CPNE8: variants seen among roughly 807,000 people sequenced by gnomAD.
CPNE8 encodes copine 8, also known as copine-8.
In CPNE8, 45 loss-of-function variants were observed where a neutral mutation model predicts 81.5. That is an observed-to-expected ratio of 0.55 (90% CI 0.44 to 0.71). CPNE8 has a LOEUF of 0.71. Among genes scored for constraint, CPNE8 ranks in the 30% least tolerant of loss-of-function variants. CPNE8 has a pLI of 0.00. For missense variants in CPNE8, 594 were observed against 672.1 expected (o/e 0.88, Z 1.28); for synonymous variants, 252 against 226.3 (o/e 1.11, Z -1.02).
intron 6 of CPNE8, among the ~76,000 whole-genome samples, chr12:38,816,746 G>A (rs1449413331): frequency 1.3e-5 from 2 of 152,174 alleles, no homozygotes; most frequent in African/African-American, 4.8e-5. Context: ...ATTTGTGAAT[G>A]TCCACTTACT....
At chr12:38,776,848 C>G (rs1941948980) in intron 6 of CPNE8, among the ~76,000 whole-genome samples, 2 of 152,218 alleles carry the variant, frequency 1.3e-5, no homozygotes, top group South Asian at 4.1e-4. Context: ...CAGAGCATTA[C>G]TCATGTGTTG....
intron 10 of CPNE8, among the ~76,000 whole-genome samples, chr12:38,751,435 T>C (rs1222073203): frequency 6.6e-6 from 1 of 152,228 alleles, no homozygotes; most frequent in Non-Finnish European, 1.5e-5. Context: ...TTTTACTATA[T>C]ATGTTGCAAT....
Position 38,706,155 on chromosome 12 carries a change from T to C in CPNE8, c.915-3234A>G, listed in dbSNP as rs1940100875. Among the ~76,000 whole-genome samples, 4 of 152,132 alleles carry C rather than the reference T, an allele frequency of 2.6e-5. No homozygotes were observed. The South Asian group carries it at 8.3e-4, about 31-fold the overall frequency. On this transcript the variant is annotated intron_variant, in intron 13 of 19. Coordinates refer to ENST00000331366, the MANE Select transcript of CPNE8 (RefSeq NM_153634.3). ...TTTCTCCAGTTAAATATTTGCAAAC[T>C]TTCTGGCTATAATAGGCACACAATA...
chr12:38,738,565 A>G (rs993676187), intron 10 of CPNE8, among the ~76,000 whole-genome samples: 1 of 152,162 alleles, frequency 6.6e-6, no homozygotes, highest in African/African-American at 2.4e-5. Flanking sequence ...AGACCATCCT[A>G]CCACTTTAGT....
At chr12:38,905,881 A>T (rs887080992), upstream of CPNE8, 9 of 985,196 alleles carry the variant, frequency 9.1e-6, no homozygotes, top group Admixed American at 2.5e-4. Flanking sequence ...AAGCAGCCTG[A>T]TGGAGAAGGT....
chr12:38,903,643 G>A (rs1011355273), intron 1 of CPNE8, among the ~76,000 whole-genome samples: 10 of 152,200 alleles, frequency 6.6e-5, no homozygotes, highest in African/African-American at 1.7e-4. Context: ...ATGCCATTCA[G>A]ACTTTGCAGA....
chr12:38,764,975 G>T (rs1256818777), intron 8 of CPNE8, among the ~76,000 whole-genome samples: 1 of 152,134 alleles, frequency 6.6e-6, no homozygotes, highest in Non-Finnish European at 1.5e-5. Flanking sequence ...TGGCCTCTTT[G>T]CTTATGGTTA....
chr12:38,663,202 C>A (rs539417082), intron 19 of CPNE8, among the ~76,000 whole-genome samples: 35 of 152,062 alleles, frequency 2.3e-4, no homozygotes, highest in African/African-American at 8.2e-4. Flanking sequence ...AAGAGACAAA[C>A]TTTTATTCAT....
At chr12:38,710,589 G>A (rs1235189182) in intron 13 of CPNE8, among the ~76,000 whole-genome samples, 1 of 152,158 alleles carries the variant, frequency 6.6e-6, no homozygotes, top group African/African-American at 2.4e-5. Context: ...ACATGCTGTA[G>A]GACAAATTTC....
chr12:38,758,641 TA>T (rs1941513478), intron 10 of CPNE8, among the ~76,000 whole-genome samples: 1 of 152,180 alleles, frequency 6.6e-6, no homozygotes, highest in Admixed American at 6.5e-5. Flanking sequence ...CTGTGAAAGG[TA>T]ACTAATGTAG....
intron 19 of CPNE8, among the ~76,000 whole-genome samples, chr12:38,657,772 A>AC (rs901917609): frequency 6.6e-6 from 1 of 152,144 alleles, no homozygotes; most frequent in African/African-American, 2.4e-5. Context: ...TCTGGAGTGG[A>AC]CCCCCAGCAA....
At chr12:38,811,746 C>T (rs1440443435) in intron 6 of CPNE8, among the ~76,000 whole-genome samples, 2 of 152,140 alleles carry the variant, frequency 1.3e-5, no homozygotes, top group Non-Finnish European at 2.9e-5. Context: ...GTGGTGCACA[C>T]CTGTAGTCCT....
intron 1 of CPNE8, among the ~76,000 whole-genome samples, chr12:38,903,669 T>G (rs372818291): frequency 6.6e-6 from 1 of 152,246 alleles, no homozygotes; most frequent in Non-Finnish European, 1.5e-5. Flanking sequence ...GAGCAGAGGA[T>G]AAGAACTCTA....
chr12:38,796,442 A>C (rs565289811), intron 6 of CPNE8, among the ~76,000 whole-genome samples: 1 of 152,246 alleles, frequency 6.6e-6, no homozygotes, highest in African/African-American at 2.4e-5. Context: ...CATTAAAATT[A>C]AGAATTCCTA....
chr12:38,803,870 C>G, intron 6 of CPNE8, among the ~76,000 whole-genome samples: 1 of 50,282 alleles, frequency 2.0e-5, no homozygotes. Context: ...CAACAACAGA[C>G]AAACAGAGAG....
chr12:38,702,013 T>C (rs1176202038), intron 14 of CPNE8, among the ~76,000 whole-genome samples: 1 of 152,140 alleles, frequency 6.6e-6, no homozygotes, highest in Non-Finnish European at 1.5e-5. Context: ...AAGAAGAAGG[T>C]TCAATTAAGT....
chr12:38,892,930 G>T (rs117795149), intron 1 of CPNE8, among the ~76,000 whole-genome samples: 2,142 of 152,132 alleles, frequency 0.014, 16 homozygotes, highest in Non-Finnish European at 0.023. Context: ...ACAACTCTTG[G>T]GGAGAATATT....
intron 6 of CPNE8, among the ~76,000 whole-genome samples, chr12:38,795,867 G>GGATAGATAAATAGATA (rs1555160623): frequency 6.8e-6 from 1 of 148,134 alleles, no homozygotes; most frequent in Admixed American, 6.8e-5. Flanking sequence ...ATGGATGGAT[G>GGATAGATAAATAGATA]GATAGATAGA....
chr12:38,674,986 T>C (rs978722076), intron 18 of CPNE8, among the ~76,000 whole-genome samples: 2 of 152,236 alleles, frequency 1.3e-5, no homozygotes, highest in East Asian at 1.9e-4. Flanking sequence ...GGCTGTGTAC[T>C]TGCTGTCTAG....
Sources: allele counts gnomAD v4.1 joint callset (sites outside exome capture counted in the v4.1 genomes callset), GRCh38; gene constraint gnomAD v4.1.1; transcripts MANE v1.5; gene names NCBI Gene and HGNC (gene_info 2026-07-23, HGNC 2026-07-21).